Variants in FGF13 observed in about 807,000 individuals in gnomAD.
The protein encoded by FGF13 is fibroblast growth factor 13, also known as fibroblast growth factor homologous factor 2.
In FGF13, 2 loss-of-function variants were observed where a neutral mutation model predicts 19.5. The ratio of observed to expected loss-of-function variants is 0.10; its 90% confidence interval spans 0.04 to 0.32. The LOEUF (loss-of-function observed/expected upper bound fraction) is 0.32, where lower values mean the gene tolerates loss of function less well. Among genes scored for constraint, FGF13 ranks in the 10% least tolerant of loss-of-function variants. FGF13 has a pLI of 1.00. For missense variants in FGF13, 113 were observed against 192.7 expected, an observed-to-expected ratio of 0.59 and a Z score of 2.45; for synonymous variants, 72 against 76.9, an observed-to-expected ratio of 0.94 and a Z score of 0.33.
intron 1 of FGF13, among the ~76,000 whole-genome samples, chrX:138,938,594 T>A (rs937393144): frequency 9.0e-6 from 1 of 111,388 alleles, no homozygotes; most frequent in Non-Finnish European, 1.9e-5. Flanking sequence ...TGCTACCCTC[T>A]GTTTGCTACT....
At chrX:139,150,902 A>G (rs1417380334) in intron 1 of FGF13, among the ~76,000 whole-genome samples, 2 of 110,757 alleles carry the variant, frequency 1.8e-5, no homozygotes, top group Non-Finnish European at 3.8e-5. Flanking sequence ...GCGGCCCACA[A>G]AGGGTGCTAC....
At chrX:138,796,088 T>A (rs142180403) in intron 3 of FGF13, among the ~76,000 whole-genome samples, 1 of 110,856 alleles carries the variant, frequency 9.0e-6, no homozygotes, top group Non-Finnish European at 1.9e-5. Flanking sequence ...AGTTCTGGGA[T>A]ACATGTGCTG....
At chrX:139,128,008 C>T (rs1349533408) in intron 1 of FGF13, among the ~76,000 whole-genome samples, 1 of 110,532 alleles carries the variant, frequency 9.0e-6, no homozygotes, top group Non-Finnish European at 1.9e-5. Context: ...GACTCATAGG[C>T]ATTATTCTAC....
rs956645033 is a variant in FGF13, at chrX:139,120,349, G to A, written c.-113+83067C>T. On this transcript the variant is annotated intron_variant, in intron 1 of 2. Coordinates refer to the FGF13 transcript ENST00000421460. ...GCTGTCCCTTGTCTTCCTAATCACTGTATTGTATTACCTCTTGTATACTAA... is the reference window on the plus strand; with the variant it reads ...GCTGTCCCTTGTCTTCCTAATCACTATATTGTATTACCTCTTGTATACTAA... Among the ~76,000 whole-genome samples, 8 of 112,041 alleles carry A rather than the reference G, an allele frequency of 7.1e-5. No homozygotes were observed. The Admixed American group carries it at 7.5e-4, about 11-fold the overall frequency.
At chrX:138,934,976 A>G (rs1183742751) in intron 1 of FGF13, among the ~76,000 whole-genome samples, 1 of 111,437 alleles carries the variant, frequency 9.0e-6, no homozygotes, top group Non-Finnish European at 1.9e-5. Flanking sequence ...TTGTGATAAA[A>G]TTTTCTCCCT....
At chrX:138,816,107 C>T (rs2090959985) in intron 3 of FGF13, among the ~76,000 whole-genome samples, 1 of 111,301 alleles carries the variant, frequency 9.0e-6, no homozygotes, top group East Asian at 2.8e-4. Context: ...AGATAAATGG[C>T]TAATACCTCT....
intron 3 of FGF13, among the ~76,000 whole-genome samples, chrX:138,772,393 G>C (rs1337610775): frequency 1.8e-5 from 2 of 109,080 alleles, no homozygotes; most frequent in Non-Finnish European, 1.9e-5. Context: ...TGTCCCCTTA[G>C]AAAAGGGGAC....
rs190484084 is a variant in FGF13 at position 139,057,853 on chromosome X, A to G, written c.-113+145563T>C. Among the ~76,000 whole-genome samples, 23 of 112,268 alleles carry G rather than the reference A, an allele frequency of 2.0e-4. No individual in the cohort carries two copies. The East Asian group carries it at 5.6e-3, about 27-fold the overall frequency. ...TAGGGAAATCAAATTAATGATATTAAAAGTTATAGCACTTAACCTTTTGGT... is the reference window on the plus strand; with the variant it reads ...TAGGGAAATCAAATTAATGATATTAGAAGTTATAGCACTTAACCTTTTGGT... On this transcript the variant is annotated intron_variant, in intron 1 of 2. Transcript: ENST00000421460.
chrX:138,971,270 C>T (rs2091914479), intron 1 of FGF13, among the ~76,000 whole-genome samples: 1 of 111,836 alleles, frequency 8.9e-6, no homozygotes, highest in Non-Finnish European at 1.9e-5. Flanking sequence ...CAGTATCTAC[C>T]TCAAAGGAAT....
chrX:138,700,404 C>T (rs1460911311), intron 3 of FGF13, among the ~76,000 whole-genome samples: 5 of 111,501 alleles, frequency 4.5e-5, no homozygotes, highest in African/African-American at 1.6e-4. Flanking sequence ...GAAGAGTGAT[C>T]CTTCCTCTTT....
chrX:139,118,984 C>A (rs777243547), intron 1 of FGF13, among the ~76,000 whole-genome samples: 8 of 111,290 alleles, frequency 7.2e-5, no homozygotes, highest in Non-Finnish European at 1.3e-4. Context: ...AACACAGAGA[C>A]CCCATCTTTA....
chrX:138,702,508 G>A (rs765108535), intron 3 of FGF13, among the ~76,000 whole-genome samples: 1 of 112,111 alleles, frequency 8.9e-6, no homozygotes, highest in Non-Finnish European at 1.9e-5. Flanking sequence ...TAAAGCAGAA[G>A]CAATCAGGAA....
At chrX:138,676,512 C>G (rs2089668058) in intron 3 of FGF13, among the ~76,000 whole-genome samples, 2 of 111,896 alleles carry the variant, frequency 1.8e-5, no homozygotes, top group South Asian at 7.4e-4. Flanking sequence ...ACTGTGTCCT[C>G]AGTCTTTCAA....
At chrX:138,875,324 T>C (rs1251195819) in intron 1 of FGF13, among the ~76,000 whole-genome samples, 4 of 111,082 alleles carry the variant, frequency 3.6e-5, no homozygotes, top group Non-Finnish European at 7.5e-5. Flanking sequence ...GACACACAGC[T>C]TAAAACCTTG....
chrX:138,804,811 T>C (rs2124006672), intron 3 of FGF13, among the ~76,000 whole-genome samples: 1 of 112,408 alleles, frequency 8.9e-6, no homozygotes, highest in African/African-American at 3.2e-5. Context: ...ATATGATTAT[T>C]TGATTTTTCA....
At chrX:138,809,467 T>C (rs2090902578) in intron 3 of FGF13, among the ~76,000 whole-genome samples, 1 of 111,749 alleles carries the variant, frequency 8.9e-6, no homozygotes, top group Non-Finnish European at 1.9e-5. Context: ...GAGCTACTTA[T>C]GACAAACCCA....
At chrX:139,195,317 C>G (rs2084363457) in intron 1 of FGF13, among the ~76,000 whole-genome samples, 1 of 111,840 alleles carries the variant, frequency 8.9e-6, no homozygotes, top group South Asian at 3.8e-4. Flanking sequence ...TCTTGGAAGC[C>G]TTAATGTTCA....
chrX:138,640,125 G>A (rs1377454007), intron 3 of FGF13, among the ~76,000 whole-genome samples: 1 of 111,752 alleles, frequency 8.9e-6, no homozygotes, highest in Non-Finnish European at 1.9e-5. Flanking sequence ...TTTTACCAAT[G>A]TACTCACATT....
At position 138,796,404 on chromosome X, in the gene FGF13, T is replaced by G. The variant is rs758056463; in HGVS notation, c.217+61108A>C. Reference sequence around the variant, plus strand: ...GTCCCTGCAAAGCACATGAACTCATTCTTTTTTTATGGCTTCATAGTATTC... The same window carrying G: ...GTCCCTGCAAAGCACATGAACTCATGCTTTTTTTATGGCTTCATAGTATTC... On this transcript the variant is annotated intron_variant, in intron 3 of 6. Coordinates refer to the FGF13 transcript ENST00000436198. Among the ~76,000 whole-genome samples, 17 of 112,152 alleles carry G rather than the reference T, an allele frequency of 1.5e-4. No individual in the cohort carries two copies. In the South Asian group the frequency reaches 6.4e-3, roughly 42 times the overall value.
Sources: gnomAD v4.1 joint callset for allele counts (sites outside exome capture counted in the v4.1 genomes callset) on GRCh38, gnomAD v4.1.1 for gene constraint, MANE v1.5 for transcripts, NCBI Gene and HGNC (gene_info 2026-07-23, HGNC 2026-07-21) for gene names.